Variants in ANXA2 observed in about 807,000 individuals in gnomAD.
ANXA2 encodes the protein annexin A2.
A neutral mutation model predicts 47.3 loss-of-function variants in ANXA2; 28 were observed. The observed-to-expected ratio is 0.59, with a 90% CI of 0.44 to 0.81. ANXA2 has a LOEUF of 0.81. Among genes scored for constraint, ANXA2 ranks in the 40% least tolerant of loss-of-function variants. The probability of loss-of-function intolerance (pLI) is 0.00; values close to 1 mark genes in which losing one functional copy is unlikely to be tolerated. For missense variants in ANXA2, 384 were observed against 414.3 expected (o/e 0.93, Z 0.64); for synonymous variants, 172 against 155.5 (o/e 1.11, Z -0.79).
chr15:60,360,244 G>A lies in ANXA2; in HGVS notation c.357+697C>T, dbSNP rs149009130. On this transcript the variant is annotated intron_variant, in intron 5 of 12. Transcript: ENST00000451270. ...GCACTCCAGCCTGGGCAACAAGAGCGAAATCCATCTCAAAAAACAAAACAA... is the reference window on the plus strand; with the variant it reads ...GCACTCCAGCCTGGGCAACAAGAGCAAAATCCATCTCAAAAAACAAAACAA... Among the ~76,000 whole-genome samples the A allele has an allele frequency of 3.0e-3, 462 of 152,056 alleles. 5 individuals carry two copies. Among genetic ancestry groups the A allele is most frequent in the African/African-American group, 0.011 (437 of 41,384 alleles).
At chr15:60,397,876 T>C (rs1258608259) in intron 1 of ANXA2, 67 bp downstream of exon 1, 1 of 1,381,112 alleles carries the variant, frequency 7.2e-7, no homozygotes, top group Non-Finnish European at 9.4e-7. Flanking sequence ...CGTACCCTTC[T>C]TCCCAGCGTC....
chr15:60,349,939 C>G (rs370773949), intron 11 of ANXA2, among the ~76,000 whole-genome samples: 498 of 4,868 alleles, frequency 0.1, 42 homozygotes, highest in African/African-American at 0.11. Flanking sequence ...GGCAGGGAGG[C>G]AGGGGAAGGC....
At chr15:60,353,627 AG>A (rs1401149468) in intron 8 of ANXA2, among the ~76,000 whole-genome samples, 14 of 152,216 alleles carry the variant, frequency 9.2e-5, no homozygotes, top group Non-Finnish European at 1.3e-4. Context: ...TCCCTTCCAA[AG>A]GAAGAGCCTA....
intron 12 of ANXA2, among the ~76,000 whole-genome samples, chr15:60,348,516 G>A (rs553008243): frequency 1.8e-3 from 281 of 152,212 alleles, no homozygotes; most frequent in Non-Finnish European, 2.4e-3. Flanking sequence ...AGGCCGAGGC[G>A]GGCGGATCAC....
At chr15:60,389,443 C>T (rs2140931600) in intron 1 of ANXA2, among the ~76,000 whole-genome samples, 1 of 152,304 alleles carries the variant, frequency 6.6e-6, no homozygotes, top group East Asian at 1.9e-4. Flanking sequence ...CTGCTGCCTA[C>T]CCGTGTCCCA....
intron 1 of ANXA2, among the ~76,000 whole-genome samples, chr15:60,392,128 T>C (rs1314767472): frequency 6.6e-6 from 1 of 152,126 alleles, no homozygotes; most frequent in Non-Finnish European, 1.5e-5. Context: ...ACTACTTGGG[T>C]AGGAAAACAG....
At chr15:60,376,050 C>G (rs1373872031) in intron 3 of ANXA2, among the ~76,000 whole-genome samples, 2 of 152,152 alleles carry the variant, frequency 1.3e-5, no homozygotes, top group African/African-American at 4.8e-5. Flanking sequence ...GAAAGATACT[C>G]TGTAAAGGCT....
intron 1 of ANXA2, among the ~76,000 whole-genome samples, chr15:60,389,300 A>G (rs1055511535): frequency 6.6e-6 from 1 of 152,236 alleles, no homozygotes; most frequent in Non-Finnish European, 1.5e-5. Flanking sequence ...GAGAGTATAG[A>G]TTAAATTCCA....
intron 3 of ANXA2, among the ~76,000 whole-genome samples, chr15:60,366,820 GCCAGCCGCCCCGTCCGGGAGGGAGGT>G: frequency 9.7e-6 from 1 of 103,040 alleles, no homozygotes; most frequent in Admixed American, 1.0e-4. Context: ...GGGGGGGTCG[GCCAGCCGCCCCGTCCGGGAGGGAGGT>G]GGGGGGGTCA....
chr15:60,366,566 C>T (rs1260209372), intron 3 of ANXA2, among the ~76,000 whole-genome samples: 1 of 150,160 alleles, frequency 6.7e-6, no homozygotes, highest in Non-Finnish European at 1.5e-5. Flanking sequence ...AACCCTCTGC[C>T]TGGCAACCGC....
At chr15:60,381,885 G>C (rs1242112739) in intron 3 of ANXA2, among the ~76,000 whole-genome samples, 2 of 152,022 alleles carry the variant, frequency 1.3e-5, no homozygotes, top group Admixed American at 6.6e-5. Flanking sequence ...AAAGTGAAGA[G>C]CTGCACCCAA....
At chr15:60,358,029 A>C (rs1475951851) in intron 5 of ANXA2, among the ~76,000 whole-genome samples, 1 of 152,262 alleles carries the variant, frequency 6.6e-6, no homozygotes, top group Non-Finnish European at 1.5e-5. Flanking sequence ...CAGCATTGTT[A>C]GAGTAAGTCT....
At chr15:60,371,832 G>A (rs1037851973) in intron 3 of ANXA2, among the ~76,000 whole-genome samples, 1 of 152,218 alleles carries the variant, frequency 6.6e-6, no homozygotes, top group Non-Finnish European at 1.5e-5. Flanking sequence ...GTGTGTACAC[G>A]TGGACGTAGT....
At chr15:60,379,361 A>G (rs1251972423) in intron 3 of ANXA2, among the ~76,000 whole-genome samples, 1 of 152,216 alleles carries the variant, frequency 6.6e-6, no homozygotes, top group Admixed American at 6.5e-5. Context: ...GGGAAAAAAA[A>G]GGAGATGGAG....
chr15:60,364,429 CT>C lies in ANXA2; in HGVS notation c.242del (p.Lys81ArgfsTer7). 6.2e-7 allele frequency: 1 copy of C among 1,609,696 alleles called. No homozygotes were observed. Among genetic ancestry groups the C allele is most frequent in the Non-Finnish European group, 8.5e-7 (1 of 1,178,612 alleles). ...IAFAYQRRTK[K>X]ELASALKSAL... ...CCTCCATCCCTGGAATTGCCTGTAC[CT>C]TTTTGGTCCTTCTCTGGTAGGCGAA... is the stretch of plus-strand genomic sequence containing the variant. On this transcript the variant is annotated frameshift_variant and splice_region_variant, in exon 4 of 13. Transcript: ENST00000451270. LOFTEE classifies it high-confidence loss of function.
At chr15:60,382,585 C>T (rs2062877861) in intron 2 of ANXA2, 144 bp from the exon 3 acceptor site, 2 of 534,236 alleles carry the variant, frequency 3.7e-6, no homozygotes, top group Admixed American at 3.2e-5. Context: ...TATTAACACA[C>T]CATCACACTT....
chr15:60,397,277 TCAAC>T (rs2063093353), intron 1 of ANXA2: 2 of 985,544 alleles, frequency 2.0e-6, no homozygotes, highest in Non-Finnish European at 2.4e-6. Context: ...GCCAATGTGT[TCAAC>T]CAAGCGGGAA....
At chr15:60,357,505 G>C (rs2062450721) in intron 5 of ANXA2, among the ~76,000 whole-genome samples, 1 of 152,020 alleles carries the variant, frequency 6.6e-6, no homozygotes, top group South Asian at 2.1e-4. Context: ...TTTAAGTAGT[G>C]AATAGGGGCT....
At chr15:60,368,793 CAT>C (rs1383785643) in intron 3 of ANXA2, among the ~76,000 whole-genome samples, 2 of 152,138 alleles carry the variant, frequency 1.3e-5, no homozygotes, top group Non-Finnish European at 2.9e-5. Flanking sequence ...GGCAGGCAGT[CAT>C]TGCTCCAGAA....
Sources: allele counts gnomAD v4.1 joint callset (sites outside exome capture counted in the v4.1 genomes callset), GRCh38; gene constraint gnomAD v4.1.1; transcripts MANE v1.5; gene names NCBI Gene and HGNC (gene_info 2026-07-23, HGNC 2026-07-21).